Variants in TMIGD1 observed in about 807,000 individuals in gnomAD.
The protein encoded by TMIGD1 is transmembrane and immunoglobulin domain containing 1, also known as transmembrane and immunoglobulin domain-containing protein 1.
A neutral mutation model predicts 27.5 loss-of-function variants in TMIGD1; 29 were observed. That is an observed-to-expected ratio of 1.05 (90% CI 0.78 to 1.44). The LOEUF (loss-of-function observed/expected upper bound fraction) is 1.44, where lower values mean the gene tolerates loss of function less well. TMIGD1 is among the 40% of genes most tolerant of loss of function. The probability of loss-of-function intolerance (pLI) is 0.00; values close to 1 mark genes in which losing one functional copy is unlikely to be tolerated. For missense variants in TMIGD1, 334 were observed against 310.6 expected (o/e 1.08, Z -0.57); for synonymous variants, 109 against 110.3 (o/e 0.99, Z 0.07).
At chr17:30,325,635 A>C (rs1909749170) in intron 3 of TMIGD1, among the ~76,000 whole-genome samples, 1 of 152,154 alleles carries the variant, frequency 6.6e-6, no homozygotes, top group East Asian at 1.9e-4. Flanking sequence ...CCCTGTAAAG[A>C]ATTTGCCACA....
At chr17:30,318,410 T>C (rs1454606811) in intron 5 of TMIGD1, among the ~76,000 whole-genome samples, 5 of 152,230 alleles carry the variant, frequency 3.3e-5, no homozygotes, top group African/African-American at 1.2e-4. Context: ...CATGTGGCTA[T>C]AGTCCAGAAG....
intron 3 of TMIGD1, 43 bp from the exon 4 acceptor site, chr17:30,325,137 T>C (rs774378871): frequency 6.4e-7 from 1 of 1,562,080 alleles, no homozygotes; most frequent in East Asian, 2.3e-5. Context: ...AGATAAGCAA[T>C]AGTTCACTGT....
Position 30,318,827 on chromosome 17 carries a change from T to C in TMIGD1, c.727A>G (p.Arg243Gly). 6.2e-7 allele frequency: 1 copy of C among 1,613,086 alleles called. No homozygotes were observed. The highest frequency in any genetic ancestry group is 1.1e-5 in the South Asian group (1 of 91,030). ...TTAGATACCTTCATTATTTTCTTTC[T>C]TCTAGCAATCAGTCCAAAGCACAAT... ...LTLCFGLIAR[R>G]KKIMKLCMKD... The change falls in exon 5 of 7, where the codon AGA becomes GGA. Residue 243 changes from arginine (R) to glycine (G), a missense_variant. Coordinates refer to ENST00000328886, the MANE Select transcript of TMIGD1 (RefSeq NM_206832.3).
chr17:30,331,986 T>C, intron 2 of TMIGD1, 66 bp downstream of exon 2: 4 of 1,072,256 alleles, frequency 3.7e-6, no homozygotes, highest in Non-Finnish European at 4.3e-6. Context: ...CAATGCCCAT[T>C]GATCACTTTT....
intron 3 of TMIGD1, among the ~76,000 whole-genome samples, chr17:30,327,227 G>A (rs1909812016): frequency 6.6e-6 from 1 of 152,152 alleles, no homozygotes. Context: ...CATCAGCCTG[G>A]GCAACATAGC....
chr17:30,329,280 A>G lies in TMIGD1; in HGVS notation c.332T>C (p.Val111Ala). ...FTCRLGRDQS[V>A]SVSVVLNVTF... ...AACATTCAGCACCACCGAAACGGAC[A>G]CGGACTGATCCCTCCCCAGCCTGCA... The change falls in exon 3 of 7, where the codon GTG (valine) becomes GCG (alanine). Residue 111 changes from valine to alanine, a missense_variant. Physicochemically the swap from Val to Ala is moderately conservative, Grantham distance 64. Coordinates refer to ENST00000328886, the MANE Select transcript of TMIGD1 (RefSeq NM_206832.3). The G allele has an allele frequency of 6.2e-7, 1 of 1,614,116 alleles. No homozygotes were observed. The highest frequency in any genetic ancestry group is 8.5e-7 in the Non-Finnish European group (1 of 1,179,988).
intron 3 of TMIGD1, among the ~76,000 whole-genome samples, 181 bp downstream of exon 3, chr17:30,329,070 A>C (rs1183830526): frequency 2.6e-5 from 4 of 152,166 alleles, no homozygotes; most frequent in Non-Finnish European, 5.9e-5. Flanking sequence ...GGAGGCTGGC[A>C]AATTCTCAGA....
At chr17:30,324,784 C>G (rs765874889) in intron 4 of TMIGD1, 32 bp downstream of exon 4, 9 of 1,596,264 alleles carry the variant, frequency 5.6e-6, no homozygotes, top group Non-Finnish European at 7.7e-6. Context: ...GAGTTTTGCA[C>G]TGTGCTGGGT....
At chr17:30,325,133 G>A in intron 3 of TMIGD1, 39 bp from the exon 4 acceptor site, 1 of 1,569,864 alleles carries the variant, frequency 6.4e-7, no homozygotes. Context: ...TAGCAGATAA[G>A]CAATAGTTCA....
chr17:30,322,892 G>A (rs936832516), intron 4 of TMIGD1, among the ~76,000 whole-genome samples: 1 of 152,130 alleles, frequency 6.6e-6, no homozygotes, highest in African/African-American at 2.4e-5. Flanking sequence ...GACTTTGGTC[G>A]GGGCATGGTG....
intron 4 of TMIGD1, among the ~76,000 whole-genome samples, chr17:30,319,666 G>A: frequency 6.6e-6 from 1 of 152,054 alleles, no homozygotes; most frequent in East Asian, 1.9e-4. Flanking sequence ...GTATCCTGGG[G>A]TGGGTGAGGG....
chr17:30,323,046 A>G (rs923454809), intron 4 of TMIGD1, among the ~76,000 whole-genome samples: 1 of 151,962 alleles, frequency 6.6e-6, no homozygotes, highest in Non-Finnish European at 1.5e-5. Context: ...GATGGCACGC[A>G]CCTGTCCCAG....
Position 30,329,416 on chromosome 17 carries a change from G to A in TMIGD1, c.196C>T (p.Leu66Phe), listed in dbSNP as rs774863973. The change falls in exon 3 of 7, where the codon CTC (leucine) becomes TTC (phenylalanine). Residue 66 changes from leucine (L) to phenylalanine (F), a missense_variant. By Grantham distance (22) the Leu-to-Phe change is conservative. Transcript: ENST00000328886. The part of the protein sequence containing the change: ...VQNHTREEEL[L>F]WYREEGRVDL... ...ACTCTCCCCTCCTCTCGGTACCAGA[G>A]CAGTTCTTCCTCTCTGGTGTGGTTT... The A allele has an allele frequency of 3.3e-5, 53 of 1,614,032 alleles. 1 individual carries two copies. The South Asian group carries it at 5.5e-4, about 17-fold the overall frequency.
intron 3 of TMIGD1, among the ~76,000 whole-genome samples, chr17:30,326,833 C>T (rs959812619): frequency 2.6e-5 from 4 of 152,072 alleles, no homozygotes; most frequent in African/African-American, 7.2e-5. Context: ...CTTTCAGCAA[C>T]GAGGTATGAG....
intron 4 of TMIGD1, among the ~76,000 whole-genome samples, chr17:30,323,862 G>T (rs189022769): frequency 6.6e-6 from 1 of 152,114 alleles, no homozygotes; most frequent in South Asian, 2.1e-4. Flanking sequence ...TTAGTGCTCC[G>T]CAGGACGAAT....
intron 5 of TMIGD1, among the ~76,000 whole-genome samples, chr17:30,317,652 C>G (rs1407647057): frequency 6.6e-6 from 1 of 151,702 alleles, no homozygotes; most frequent in African/African-American, 2.4e-5. Context: ...CCCAGTTACT[C>G]TGGAGGCTGA....
At chr17:30,319,261 A>AAAAAAAAAAAATATATATATAT in intron 4 of TMIGD1, among the ~76,000 whole-genome samples, 3 of 69,034 alleles carry the variant, frequency 4.3e-5, no homozygotes, top group Admixed American at 1.5e-4. Flanking sequence ...AAAAAAAAAA[A>AAAAAAAAAAAATATATATATAT]ATATATATAT....
At chr17:30,331,729 C>T (rs1226217174) in intron 2 of TMIGD1, among the ~76,000 whole-genome samples, 1 of 152,076 alleles carries the variant, frequency 6.6e-6, no homozygotes, top group East Asian at 1.9e-4. Context: ...GCTGGAACTA[C>T]AGGCGCCTGC....
At position 30,317,206 on chromosome 17, in the gene TMIGD1, T is replaced by C. The variant is rs1909441906; in HGVS notation, c.772A>G (p.Ser258Gly). Residue 258 changes from serine to glycine, a missense_variant, in exon 6 of 7, where the codon AGT becomes GGT. Ser to Gly is a moderately conservative substitution (Grantham distance 56). Transcript: ENST00000328886. Reference sequence around the variant, plus strand: ...TAGAGTACTTACAGAGCTGTTTCACTGTGAGGGTCTTTATCCTTCATGCAG... The same window carrying C: ...TAGAGTACTTACAGAGCTGTTTCACCGTGAGGGTCTTTATCCTTCATGCAG... ...KLCMKDKDPH[S>G]ETAL The C allele has an allele frequency of 6.2e-7, 1 of 1,614,116 alleles. No homozygotes were observed. The highest frequency in any genetic ancestry group is 1.3e-5 in the African/African-American group (1 of 75,050).
Sources: gnomAD v4.1 joint callset for allele counts (sites outside exome capture counted in the v4.1 genomes callset) on GRCh38, gnomAD v4.1.1 for gene constraint, MANE v1.5 for transcripts, NCBI Gene and HGNC (gene_info 2026-07-23, HGNC 2026-07-21) for gene names.